The following ZNF845 variants were observed in gnomAD, a reference collection of about 807,000 sequenced individuals.
ZNF845 encodes the protein zinc finger protein 845.
Under a neutral mutation model 76.1 loss-of-function variants are expected in ZNF845, and 59 were observed. That is an observed-to-expected ratio of 0.78 (90% CI 0.63 to 0.96). ZNF845 has a LOEUF of 0.96. Ranked by LOEUF, ZNF845 falls within the 40% of genes least tolerant of loss-of-function variation. The pLI is 0.00. For synonymous variants in ZNF845, 361 were observed against 386.9 expected, an observed-to-expected ratio of 0.93 and a Z score of 0.78; for missense variants, 1,045 against 1,172.8, an observed-to-expected ratio of 0.89 and a Z score of 1.59.
At chr19:53,345,840 C>T (rs777674796) in intron 3 of ZNF845, among the ~76,000 whole-genome samples, 5 of 151,148 alleles carry the variant, frequency 3.3e-5, no homozygotes, top group African/African-American at 7.3e-5. Flanking sequence ...GCCACTATGC[C>T]GGGCTACTTT....
chr19:53,356,601 C>G lies in ZNF845; in HGVS notation c.*3013C>G, dbSNP rs1452167335. The G allele has an allele frequency of 2.0e-5, 3 of 151,930 alleles. No individual in the cohort carries two copies. The highest frequency in any genetic ancestry group is 7.3e-5 in the African/African-American group (3 of 41,342). 9.4% of individuals were successfully genotyped at this position (151,930 alleles called of 1,614,324 possible). ...AGAATAAAGGAAAAGATTTCCCTTC[C>G]TTTTGTCTCTTTTCTCAGGACGTTT... is the stretch of plus-strand genomic sequence containing the variant. On this transcript the variant is annotated 3_prime_UTR_variant, in exon 4 of 4. Coordinates refer to ENST00000458035, the MANE Select transcript of ZNF845 (RefSeq NM_138374.3).
rs2085254263 is a variant in ZNF845, at chr19:53,341,222, T to C, written c.-73-13T>C. ...TGATTCTGAGCAATAAACAACATAT[T>C]TTTAACATTCAGGATTGACTTCTAA... On this transcript the variant is annotated splice_polypyrimidine_tract_variant and intron_variant, in intron 1 of 3. Transcript: ENST00000458035. 1.9e-6 allele frequency: 3 copies of C among 1,568,936 alleles called. No homozygotes were observed. In the East Asian group the frequency reaches 6.7e-5, roughly 35 times the overall value.
In ZNF845 at chr19:53,352,401, G is replaced by A. The variant is rs766395906; in HGVS notation, c.1726G>A (p.Gly576Arg). 3.7e-6 allele frequency: 6 copies of A among 1,613,850 alleles called. No homozygotes were observed. In the Admixed American group the frequency reaches 5.0e-5, roughly 13 times the overall value. ...LIYHQAIHGI[G>R]KLYKCNDCHQ... ...TTACCATCAAGCAATCCATGGTATA[G>A]GGAAACTTTACAAATGTAATGATTG... The change falls in exon 4 of 4, where the codon GGG (glycine) becomes AGG (arginine). Residue 576 changes from glycine to arginine, a missense_variant. Gly to Arg is a moderately radical substitution (Grantham distance 125, BLOSUM62 -2). Transcript: ENST00000458035.
At position 53,351,218 on chromosome 19, in the gene ZNF845, T is replaced by A; in HGVS notation, c.543T>A (p.Ser181=). 1 of 1,614,242 alleles carries A rather than the reference T, an allele frequency of 6.2e-7. No homozygotes were observed. The highest frequency in any genetic ancestry group is 8.5e-7 in the Non-Finnish European group (1 of 1,180,040). ...ASLVSTSQRI[S]CRPKTHISKN... is the part of the protein sequence containing the mutation. The stretch of plus-strand genomic sequence containing the variant: ...TGGTTTCAACATCCCAAAGAATTTC[T>A]TGTAGGCCTAAAACCCACATTTCTA... The change falls in exon 4 of 4, where the codon TCT becomes TCA. Residue 181 remains serine, a synonymous_variant. Coordinates refer to ENST00000458035, the MANE Select transcript of ZNF845 (RefSeq NM_138374.3).
chr19:53,344,365 C>T (rs1207543825), intron 2 of ZNF845, among the ~76,000 whole-genome samples: 1 of 151,904 alleles, frequency 6.6e-6, no homozygotes, highest in Non-Finnish European at 1.5e-5. Flanking sequence ...TGGTGAAACC[C>T]CGTTTCTACT....
chr19:53,350,876 A>G lies in ZNF845; in HGVS notation c.201A>G (p.Glu67=), dbSNP rs1274479152. The G allele has an allele frequency of 1.1e-5, 17 of 1,614,014 alleles. No individual in the cohort carries two copies. The Admixed American group carries it at 2.8e-4, about 27-fold the overall frequency. ...CATCAACAGCACAAGGCAATACAGA[A>G]GTGATCCACACAGGGACATTGCAAA... ...EFSSTAQGNT[E]VIHTGTLQRH... Residue 67 remains glutamate (E), a synonymous_variant, in exon 4 of 4, where the codon GAA becomes GAG. Coordinates refer to ENST00000458035, the MANE Select transcript of ZNF845 (RefSeq NM_138374.3).
intron 3 of ZNF845, among the ~76,000 whole-genome samples, chr19:53,347,720 C>T (rs907499450): frequency 1.3e-5 from 2 of 152,202 alleles, no homozygotes; most frequent in Non-Finnish European, 2.9e-5. Context: ...ATGAGATGTT[C>T]CTGTTCCTGT....
At chr19:53,343,570 A>G (rs944957423) in intron 2 of ZNF845, among the ~76,000 whole-genome samples, 3 of 152,130 alleles carry the variant, frequency 2.0e-5, no homozygotes, top group African/African-American at 7.2e-5. Context: ...AAAACTTGCC[A>G]CTTTTTATAT....
rs958155365 is a variant in ZNF845, at chr19:53,355,171, C to G, written c.*1583C>G. ...AGGTGATCCGCCCCCATCAGCATCC[C>G]AAAGTTCTGGGATTACAGGTGTGAG... On this transcript the variant is annotated 3_prime_UTR_variant, in exon 4 of 4. Coordinates refer to ENST00000458035, the MANE Select transcript of ZNF845 (RefSeq NM_138374.3). 3 of 151,992 alleles carry G rather than the reference C, an allele frequency of 2.0e-5. No individual in the cohort carries two copies. Among genetic ancestry groups the G allele is most frequent in the Non-Finnish European group, 4.4e-5 (3 of 68,034 alleles). The allele number at this position is 151,992 out of a possible 1,614,324, so 9.4% of individuals were successfully genotyped here. A position where few individuals can be genotyped will look rare whatever the true frequency, so the allele number is the denominator to read the frequency against.
intron 3 of ZNF845, among the ~76,000 whole-genome samples, chr19:53,348,228 A>G (rs144805505): frequency 1.1e-3 from 162 of 152,256 alleles, no homozygotes; most frequent in Non-Finnish European, 1.6e-3. Flanking sequence ...GAATCATGCC[A>G]CTACACTACA....
At position 53,336,638 on chromosome 19, in the gene ZNF845, T is replaced by TC; in HGVS notation, c.-74+2846_-74+2847insC. Reference sequence around the variant, plus strand: ...CTTCCTTCCTTTCTTTCTTTCTTTTTTTTTTTTTTTTTTTTGCAGTTTTAC... The same window carrying TC: ...CTTCCTTCCTTTCTTTCTTTCTTTTTCTTTTTTTTTTTTTTTGCAGTTTTAC... On this transcript the variant is annotated intron_variant, in intron 1 of 3. Coordinates refer to ENST00000458035, the MANE Select transcript of ZNF845 (RefSeq NM_138374.3). Among the ~76,000 whole-genome samples, 2 of 148,538 alleles carry TC rather than the reference T, an allele frequency of 1.3e-5. 1 individual carries two copies. The highest frequency in any genetic ancestry group is 6.8e-3 in the Middle Eastern group (2 of 292).
At chr19:53,344,650 G>C (rs1362411029) in intron 2 of ZNF845, among the ~76,000 whole-genome samples, 1 of 64,994 alleles carries the variant, frequency 1.5e-5, no homozygotes, top group Admixed American at 1.2e-4. Flanking sequence ...TTTATTTTGG[G>C]ATGGAGTTTC....
At chr19:53,344,070 G>A (rs2085276277) in intron 2 of ZNF845, among the ~76,000 whole-genome samples, 1 of 151,848 alleles carries the variant, frequency 6.6e-6, no homozygotes, top group Non-Finnish European at 1.5e-5. Flanking sequence ...TCTGCCTCCT[G>A]GGATCAAGCA....
chr19:53,351,077 G>A lies in ZNF845; in HGVS notation c.402G>A (p.Lys134=). ...ATGATCAAAGGCATGCTGGAAACAA[G>A]CCTATTAAAGATCAGCTTGGATCAA... The part of the protein sequence containing the change: ...NRHDQRHAGN[K]PIKDQLGSSF... Residue 134 remains lysine (K), a synonymous_variant, in exon 4 of 4, where the codon AAG becomes AAA. Coordinates refer to ENST00000458035, the MANE Select transcript of ZNF845 (RefSeq NM_138374.3). 1 of 1,614,194 alleles carries A rather than the reference G, an allele frequency of 6.2e-7. No homozygotes were observed. Among genetic ancestry groups the A allele is most frequent in the South Asian group, 1.1e-5 (1 of 91,088 alleles).
At chr19:53,336,618 T>A (rs1382730315) in intron 1 of ZNF845, among the ~76,000 whole-genome samples, 1 of 144,170 alleles carries the variant, frequency 6.9e-6, no homozygotes, top group African/African-American at 2.5e-5. Flanking sequence ...TTCCTCTTCC[T>A]TCCTTTCTTT....
chr19:53,335,274 A>G (rs1216348821), intron 1 of ZNF845, among the ~76,000 whole-genome samples: 1 of 152,006 alleles, frequency 6.6e-6, no homozygotes, highest in Non-Finnish European at 1.5e-5. Flanking sequence ...ATTAATTTAT[A>G]GTTTGAGACA....
intron 3 of ZNF845, among the ~76,000 whole-genome samples, chr19:53,345,934 G>A (rs2085293433): frequency 6.6e-6 from 1 of 151,560 alleles, no homozygotes; most frequent in Admixed American, 6.6e-5. Context: ...GCTGGTCTTG[G>A]TCTCCTGGGC....
rs2085390829 is a variant in ZNF845, at chr19:53,356,841, ATG to A, written c.*3254_*3255del. ...CTACTCGGGAGGTTGAGGCAGGAGAATGGCGTGAACCCAGGGGGGCGGAACCT... is the reference window on the plus strand; with the variant it reads ...CTACTCGGGAGGTTGAGGCAGGAGAAGCGTGAACCCAGGGGGGCGGAACCT... On this transcript the variant is annotated 3_prime_UTR_variant, in exon 4 of 4. Transcript: ENST00000458035. 6.8e-6 allele frequency: 1 copy of A among 147,040 alleles called. No homozygotes were observed. The highest frequency in any genetic ancestry group is 2.5e-5 in the African/African-American group (1 of 39,946). 9.1% of individuals were successfully genotyped at this position (147,040 alleles called of 1,614,324 possible).
Position 53,356,867 on chromosome 19 carries a change from C to T in ZNF845, c.*3279C>T, listed in dbSNP as rs2085391153. ...TGGCGTGAACCCAGGGGGGCGGAAC[C>T]TGCAGTGAGCCGAGATCGCACCACT... On this transcript the variant is annotated 3_prime_UTR_variant, in exon 4 of 4. Transcript: ENST00000458035. 1 of 143,420 alleles carries T rather than the reference C, an allele frequency of 7.0e-6. No homozygotes were observed. Among genetic ancestry groups the T allele is most frequent in the South Asian group, 2.2e-4 (1 of 4,596 alleles). 8.9% of individuals were successfully genotyped at this position (143,420 alleles called of 1,614,324 possible).
Sources: allele counts gnomAD v4.1 joint callset (sites outside exome capture counted in the v4.1 genomes callset), GRCh38; gene constraint gnomAD v4.1.1; transcripts MANE v1.5; gene names NCBI Gene and HGNC (gene_info 2026-07-23, HGNC 2026-07-21).